DNMBP: variants seen among roughly 807,000 people sequenced by gnomAD.
DNMBP encodes dynamin binding protein, also known as dynamin-binding protein.
Under a neutral mutation model 150.0 loss-of-function variants are expected in DNMBP, and 87 were observed. The ratio of observed to expected loss-of-function variants is 0.58; its 90% confidence interval spans 0.49 to 0.69. The LOEUF (loss-of-function observed/expected upper bound fraction) is 0.69, where lower values mean the gene tolerates loss of function less well. Ranked by LOEUF, DNMBP falls within the 30% of genes least tolerant of loss-of-function variation. The probability of loss-of-function intolerance (pLI) is 0.00; values close to 1 mark genes in which losing one functional copy is unlikely to be tolerated. For synonymous variants in DNMBP, 711 were observed against 750.4 expected (o/e 0.95, Z 0.86); for missense variants, 1,774 against 1,949.0 (o/e 0.91, Z 1.69).
At chr10:99,900,865 A>AAGAC (rs1334894415) in intron 6 of DNMBP, among the ~76,000 whole-genome samples, 1 of 152,208 alleles carries the variant, frequency 6.6e-6, no homozygotes, top group Non-Finnish European at 1.5e-5. Flanking sequence ...GTGCATAAAT[A>AAGAC]AGACTGGATA....
intron 1 of DNMBP, among the ~76,000 whole-genome samples, chr10:99,979,769 C>T (rs2040763916): frequency 6.6e-6 from 1 of 152,192 alleles, no homozygotes; most frequent in Admixed American, 6.5e-5. Context: ...CACAGCACGC[C>T]GTTTTCAGGC....
rs1403379948 is a variant in DNMBP at position 99,955,249 on chromosome 10, A to G, written c.2225T>C (p.Ile742Thr). ...CTGGAGTTCCATATTCAAACTTTCAATGTTACTTTCACAGAACTTGAGATC... is the reference window on the plus strand; with the variant it reads ...CTGGAGTTCCATATTCAAACTTTCAGTGTTACTTTCACAGAACTTGAGATC... ...LEDLKFCESNIESLNMELQQL... is the reference protein window; with the variant it reads ...LEDLKFCESNTESLNMELQQL... Residue 742 changes from isoleucine to threonine, a missense_variant, in exon 4 of 17, where the codon ATT becomes ACT. Coordinates refer to ENST00000324109, the MANE Select transcript of DNMBP (RefSeq NM_015221.4). The G allele has an allele frequency of 1.9e-6, 3 of 1,613,886 alleles. No homozygotes were observed. The highest frequency in any genetic ancestry group is 2.2e-5 in the East Asian group (1 of 44,870).
chr10:99,879,709 A>C (rs1191564402), intron 16 of DNMBP, 102 bp downstream of exon 16: 7 of 1,525,400 alleles, frequency 4.6e-6, no homozygotes, highest in Non-Finnish European at 6.1e-6. Context: ...ATCTCAGATC[A>C]CCCCTAGGCC....
At chr10:99,977,025 T>C (rs2040735250) in intron 1 of DNMBP, among the ~76,000 whole-genome samples, 2 of 152,196 alleles carry the variant, frequency 1.3e-5, no homozygotes, top group South Asian at 4.1e-4. Flanking sequence ...AAGGGAGTAA[T>C]GCTTGTAATC....
In DNMBP at chr10:99,972,060, G is replaced by A. The variant is rs116593720; in HGVS notation, c.65C>T (p.Pro22Leu). 6.3e-5 allele frequency: 102 copies of A among 1,613,924 alleles called. No homozygotes were observed. The African/African-American group carries it at 8.0e-4, about 13-fold the overall frequency. Residue 22 changes from proline (P) to leucine (L), a missense_variant, in exon 2 of 17, where the codon CCG becomes CTG. Physicochemically the swap from Pro to Leu is moderately conservative, Grantham distance 98 (BLOSUM62 -3). Around this residue, in one of 2 missense-constraint regions of DNMBP, gnomAD observed 344 missense variants for 456.6 expected, o/e 0.75. Transcript: ENST00000324109. Reference protein sequence around the residue: ...DFCPSVSEELPLFVGDIIEVL... With the variant: ...DFCPSVSEELLLFVGDIIEVL... ...CTCAATAATATCTCCCACAAAGAGCGGCAGTTCTTCTGATACGCTAGGGCA... is the reference window on the plus strand; with the variant it reads ...CTCAATAATATCTCCCACAAAGAGCAGCAGTTCTTCTGATACGCTAGGGCA...
At position 99,957,127 on chromosome 10, in the gene DNMBP, A is replaced by G. The variant is rs2040508681; in HGVS notation, c.347T>C (p.Phe116Ser). 1 of 1,613,342 alleles carries G rather than the reference A, an allele frequency of 6.2e-7. No homozygotes were observed. Among genetic ancestry groups the G allele is most frequent in the Non-Finnish European group, 8.5e-7 (1 of 1,180,022 alleles). The change falls in exon 4 of 17, where the codon TTC becomes TCC. Residue 116 changes from phenylalanine to serine, a missense_variant. Coordinates refer to ENST00000324109, the MANE Select transcript of DNMBP (RefSeq NM_015221.4). ...GRSCWGARGF[F>S]PSSCVRELCL... ...GAGCTCGCGGACACATGAAGATGGG[A>G]AGAAGCCCCGTGCGCCCCAGCAGCT... is the stretch of plus-strand genomic sequence containing the variant.
At chr10:99,972,246 C>G (rs2040686453) in intron 1 of DNMBP, 112 bp from the exon 2 acceptor site, 1 of 1,017,744 alleles carries the variant, frequency 9.8e-7, no homozygotes, top group Non-Finnish European at 1.4e-6. Context: ...AAAATGAAGC[C>G]AAAGCTAAGC....
Position 99,896,540 on chromosome 10 carries a change from G to A in DNMBP, c.2921-143C>T, listed in dbSNP as rs150897825. On this transcript the variant is annotated intron_variant, in intron 9 of 16. Coordinates refer to ENST00000324109, the MANE Select transcript of DNMBP (RefSeq NM_015221.4). The stretch of plus-strand genomic sequence containing the variant: ...AATATTAATCCAAATAATGATTTAT[G>A]GACAGACATGATATCTGAAGCACAG... 1.9e-4 allele frequency: 155 copies of A among 812,622 alleles called. No individual in the cohort carries two copies. The African/African-American group carries it at 2.5e-3, about 13-fold the overall frequency. 50.3% of individuals were successfully genotyped at this position (812,622 alleles called of 1,614,324 possible).
At chr10:99,942,632 G>C (rs2040312794) in intron 4 of DNMBP, among the ~76,000 whole-genome samples, 1 of 152,190 alleles carries the variant, frequency 6.6e-6, no homozygotes, top group African/African-American at 2.4e-5. Flanking sequence ...CGAGCTGAGA[G>C]TGCGAAAATG....
At position 99,896,365 on chromosome 10, in the gene DNMBP, G is replaced by A. The variant is rs2039653426; in HGVS notation, c.2953C>T (p.Leu985Phe). ...LKYRKGDEDS[L>F]MEKISKLNIH... ...TTCAGTTTGGAAATTTTCTCCATAAGGCTATCTTCATCACCCTTACGGTAC... is the reference window on the plus strand; with the variant it reads ...TTCAGTTTGGAAATTTTCTCCATAAAGCTATCTTCATCACCCTTACGGTAC... The change falls in exon 10 of 17, where the codon CTT (leucine) becomes TTT (phenylalanine). Residue 985 changes from leucine (L) to phenylalanine (F), a missense_variant. By Grantham distance (22) the Leu-to-Phe change is conservative. Coordinates refer to ENST00000324109, the MANE Select transcript of DNMBP (RefSeq NM_015221.4). The A allele has an allele frequency of 6.2e-7, 1 of 1,614,018 alleles. No individual in the cohort carries two copies. Among genetic ancestry groups the A allele is most frequent in the African/African-American group, 1.3e-5 (1 of 74,914 alleles).
intron 1 of DNMBP, among the ~76,000 whole-genome samples, chr10:100,007,814 A>G (rs2041091772): frequency 6.6e-6 from 1 of 152,228 alleles, no homozygotes; most frequent in Admixed American, 6.5e-5. Context: ...AATAACTCAT[A>G]ATTAACTCCT....
intron 6 of DNMBP, among the ~76,000 whole-genome samples, chr10:99,906,517 A>C (rs146746411): frequency 6.6e-6 from 1 of 152,286 alleles, no homozygotes; most frequent in African/African-American, 2.4e-5. Context: ...TGTCATGTTC[A>C]AGATCAGGTT....
chr10:99,989,243 C>T (rs2040860911), intron 1 of DNMBP, among the ~76,000 whole-genome samples: 1 of 152,210 alleles, frequency 6.6e-6, no homozygotes, highest in Non-Finnish European at 1.5e-5. Context: ...GAGTATGTTT[C>T]CCTGTCACAT....
At chr10:99,908,197 G>T in intron 5 of DNMBP, 103 bp from the exon 6 acceptor site, 2 of 806,274 alleles carry the variant, frequency 2.5e-6, no homozygotes, top group Non-Finnish European at 4.1e-6. Context: ...AATTGCTCAA[G>T]GTCACTTTCT....
At chr10:99,878,432 C>G (rs1366094681) in intron 16 of DNMBP, among the ~76,000 whole-genome samples, 1 of 152,192 alleles carries the variant, frequency 6.6e-6, no homozygotes, top group Admixed American at 6.5e-5. Context: ...TAAGAAAGGT[C>G]CTTCTTTTCC....
At chr10:99,985,267 AAAC>A (rs1277920353) in intron 1 of DNMBP, among the ~76,000 whole-genome samples, 5 of 152,176 alleles carry the variant, frequency 3.3e-5, no homozygotes, top group Admixed American at 6.5e-5. Context: ...AGCTTTACAC[AAAC>A]AACAACAAAA....
intron 4 of DNMBP, among the ~76,000 whole-genome samples, chr10:99,912,043 C>G (rs895358014): frequency 1.3e-5 from 2 of 152,170 alleles, no homozygotes; most frequent in Non-Finnish European, 2.9e-5. Context: ...TATCCCTGAA[C>G]TCATTTAATA....
chr10:99,951,784 G>A (rs1169367059), intron 4 of DNMBP, among the ~76,000 whole-genome samples: 1 of 152,228 alleles, frequency 6.6e-6, no homozygotes, highest in Non-Finnish European at 1.5e-5. Context: ...ATAGGCAGAA[G>A]GGACTTGCCT....
intron 4 of DNMBP, among the ~76,000 whole-genome samples, chr10:99,913,155 C>T (rs900207308): frequency 5.9e-5 from 9 of 152,000 alleles, no homozygotes; most frequent in South Asian, 4.1e-4. Flanking sequence ...TTTAGTATCC[C>T]GGACAACAAA....
Sources: gnomAD v4.1 joint callset for allele counts (sites outside exome capture counted in the v4.1 genomes callset) on GRCh38, gnomAD v4.1.1 for gene constraint, gnomAD v4.1.1 regional missense constraint, MANE v1.5 for transcripts, NCBI Gene and HGNC (gene_info 2026-07-23, HGNC 2026-07-21) for gene names.